NRCAM: variants seen among roughly 807,000 people sequenced by gnomAD.
NRCAM encodes NgCAM-related cell adhesion molecule.
In NRCAM, 83 loss-of-function variants were observed where a neutral mutation model predicts 156.5. The observed-to-expected ratio is 0.53, with a 90% CI of 0.44 to 0.64. NRCAM has a LOEUF of 0.64. Among genes scored for constraint, NRCAM ranks in the 30% least tolerant of loss-of-function variants. The probability of loss-of-function intolerance (pLI) is 0.00; values close to 1 mark genes in which losing one functional copy is unlikely to be tolerated. For missense variants in NRCAM, 1,417 were observed against 1,597.3 expected (o/e 0.89, Z 1.92); for synonymous variants, 538 against 563.9 (o/e 0.95, Z 0.65).
Position 108,192,002 on chromosome 7 carries a change from A to C in NRCAM, c.1779-149T>G, listed in dbSNP as rs543458997. On this transcript the variant is annotated intron_variant, in intron 17 of 32. Coordinates refer to ENST00000379028, the MANE Select transcript of NRCAM (RefSeq NM_001037132.4). ...TTAGAGCAAAATACATATCACTTTAAGAATGATTAAAGTTGAAAAACAATG... is the reference window on the plus strand; with the variant it reads ...TTAGAGCAAAATACATATCACTTTACGAATGATTAAAGTTGAAAAACAATG... 2.9e-5 allele frequency: 24 copies of C among 828,022 alleles called. 1 individual carries two copies. The South Asian group carries it at 4.6e-4, about 16-fold the overall frequency. The allele number at this position is 828,022 out of a possible 1,614,324, so 51.3% of individuals were successfully genotyped here.
At chr7:108,259,927 A>C (rs1054972135) in intron 3 of NRCAM, among the ~76,000 whole-genome samples, 1 of 152,236 alleles carries the variant, frequency 6.6e-6, no homozygotes, top group African/African-American at 2.4e-5. Flanking sequence ...TAAGTGCAGC[A>C]AACCACCATG....
At chr7:108,188,687 T>C (rs1487423239) in intron 20 of NRCAM, among the ~76,000 whole-genome samples, 5 of 149,282 alleles carry the variant, frequency 3.3e-5, no homozygotes, top group Non-Finnish European at 7.4e-5. Flanking sequence ...CTGGCTAATG[T>C]ACCCAATGAG....
At chr7:108,324,026 G>A (rs555328769) in intron 2 of NRCAM, among the ~76,000 whole-genome samples, 1 of 152,066 alleles carries the variant, frequency 6.6e-6, no homozygotes, top group East Asian at 1.9e-4. Context: ...GGAGAACAGT[G>A]GGAGATGAAG....
At chr7:108,444,371 CT>C (rs55925720) in intron 1 of NRCAM, among the ~76,000 whole-genome samples, 1 of 150,580 alleles carries the variant, frequency 6.6e-6, no homozygotes, top group Non-Finnish European at 1.5e-5. Flanking sequence ...GCTGTATTCT[CT>C]TTTTTTTTGG....
intron 3 of NRCAM, among the ~76,000 whole-genome samples, chr7:108,254,407 C>T (rs1191049823): frequency 5.3e-5 from 8 of 152,124 alleles, no homozygotes; most frequent in Admixed American, 3.3e-4. Context: ...AACCACAATG[C>T]GATACTACCA....
intron 3 of NRCAM, among the ~76,000 whole-genome samples, chr7:108,274,962 T>C (rs983861100): frequency 4.6e-5 from 7 of 152,200 alleles, no homozygotes. Context: ...TGTTGGATAT[T>C]GTTGAAGGCC....
intron 3 of NRCAM, among the ~76,000 whole-genome samples, chr7:108,307,797 C>G (rs2098739902): frequency 6.6e-6 from 1 of 152,134 alleles, no homozygotes; most frequent in Admixed American, 6.5e-5. Flanking sequence ...TTTCATTTTC[C>G]TCCTGGGTAG....
intron 1 of NRCAM, among the ~76,000 whole-genome samples, chr7:108,402,738 G>A (rs2099796447): frequency 6.6e-6 from 1 of 152,176 alleles, no homozygotes; most frequent in African/African-American, 2.4e-5. Flanking sequence ...AGAAAAACAA[G>A]GATAAGCTAT....
At chr7:108,237,953 A>G (rs1201573704) in intron 4 of NRCAM, among the ~76,000 whole-genome samples, 184 bp from the exon 5 acceptor site, 4 of 152,204 alleles carry the variant, frequency 2.6e-5, no homozygotes, top group African/African-American at 9.6e-5. Context: ...ATTTGCATTA[A>G]CGGTTTCCTT....
chr7:108,310,606 C>T (rs918263631), intron 3 of NRCAM, among the ~76,000 whole-genome samples: 6 of 152,002 alleles, frequency 3.9e-5, no homozygotes, highest in Admixed American at 6.6e-5. Flanking sequence ...TAAGTAGCTA[C>T]GAAAAAAACT....
intron 8 of NRCAM, among the ~76,000 whole-genome samples, chr7:108,226,642 T>C (rs1477555556): frequency 6.6e-6 from 1 of 152,208 alleles, no homozygotes; most frequent in South Asian, 2.1e-4. Flanking sequence ...GTGAAATCTT[T>C]TTTTAAGCAA....
At chr7:108,309,675 G>A (rs1013659336) in intron 3 of NRCAM, among the ~76,000 whole-genome samples, 1 of 152,096 alleles carries the variant, frequency 6.6e-6, no homozygotes, top group Admixed American at 6.6e-5. Flanking sequence ...TGGCCAACAT[G>A]GTGAAACCCT....
intron 8 of NRCAM, among the ~76,000 whole-genome samples, chr7:108,227,869 T>C (rs1313418888): frequency 6.6e-6 from 1 of 152,070 alleles, no homozygotes; most frequent in Non-Finnish European, 1.5e-5. Context: ...AGTCTGGAGC[T>C]CCCTCAGGCA....
intron 2 of NRCAM, among the ~76,000 whole-genome samples, chr7:108,365,140 C>T (rs1486506566): frequency 6.6e-6 from 1 of 152,038 alleles, no homozygotes; most frequent in Non-Finnish European, 1.5e-5. Flanking sequence ...TAGCATTTAA[C>T]ATATATATAT....
intron 3 of NRCAM, among the ~76,000 whole-genome samples, chr7:108,259,017 A>C (rs1427317409): frequency 1.3e-5 from 2 of 152,222 alleles, no homozygotes; most frequent in Admixed American, 1.3e-4. Context: ...TTCCTCAGTC[A>C]CACTGTCCAC....
chr7:108,250,598 G>A (rs527710950), intron 3 of NRCAM, among the ~76,000 whole-genome samples: 2 of 151,970 alleles, frequency 1.3e-5, no homozygotes, highest in Admixed American at 6.5e-5. Context: ...CCCGAGACTC[G>A]GAATGGTAGT....
intron 3 of NRCAM, among the ~76,000 whole-genome samples, chr7:108,292,537 A>G (rs894810661): frequency 2.0e-5 from 3 of 152,164 alleles, no homozygotes; most frequent in Non-Finnish European, 4.4e-5. Flanking sequence ...TAAGTAAAAA[A>G]TCATCAAACC....
rs10464624 is a variant in NRCAM, at chr7:108,278,230, G to A, written c.-107+34435C>T. ...TGGAGAAGGCAGTCTGTCCATTATC[G>A]GATCTCAAATGCAGTGCTGGGAGAA... On this transcript the variant is annotated intron_variant, in intron 3 of 32. Transcript: ENST00000379028. Among the ~76,000 whole-genome samples the A allele has an allele frequency of 1.7e-3, 254 of 152,332 alleles. 1 individual carries two copies. The East Asian group carries it at 0.042, about 25-fold the overall frequency.
At chr7:108,217,972 A>C (rs1473228934) in intron 11 of NRCAM, among the ~76,000 whole-genome samples, 1 of 152,030 alleles carries the variant, frequency 6.6e-6, no homozygotes, top group African/African-American at 2.4e-5. Context: ...GGTATGAAAA[A>C]AAACTCCTGC....
Sources: allele counts gnomAD v4.1 joint callset (sites outside exome capture counted in the v4.1 genomes callset), GRCh38; gene constraint gnomAD v4.1.1; transcripts MANE v1.5; gene names NCBI Gene and HGNC (gene_info 2026-07-23, HGNC 2026-07-21).